TOMM34: variants seen among roughly 807,000 people sequenced by gnomAD.
TOMM34 encodes the protein mitochondrial import receptor subunit TOM34.
In TOMM34, 24 loss-of-function variants were observed where a neutral mutation model predicts 37.4. The ratio of observed to expected loss-of-function variants is 0.64; its 90% CI spans 0.46 to 0.90. The LOEUF is 0.90. Among genes scored for constraint, TOMM34 ranks in the 40% least tolerant of loss-of-function variants. The pLI, the probability that TOMM34 is intolerant of heterozygous loss-of-function variation, is 0.00. For synonymous variants in TOMM34, 154 were observed against 148.9 expected (o/e 1.03, Z -0.25); for missense variants, 304 against 375.6 (o/e 0.81, Z 1.58).
chr20:44,954,770 C>T (rs1046895178), intron 3 of TOMM34, among the ~76,000 whole-genome samples: 1 of 152,172 alleles, frequency 6.6e-6, no homozygotes, highest in Non-Finnish European at 1.5e-5. Context: ...ATTTTGGTAT[C>T]CCCCACTGAA....
chr20:44,958,075 CATATATAT>C (rs888819537), intron 1 of TOMM34, among the ~76,000 whole-genome samples: 2 of 149,158 alleles, frequency 1.3e-5, no homozygotes, highest in African/African-American at 5.0e-5. Context: ...TCTACATTTA[CATATATAT>C]GTATATATGT....
rs2066940981 is a variant in TOMM34, at chr20:44,942,157, T to C, written c.*952A>G. 1 of 152,222 alleles carries C rather than the reference T, an allele frequency of 6.6e-6. No homozygotes were observed. The highest frequency in any genetic ancestry group is 1.5e-5 in the Non-Finnish European group (1 of 68,050). The allele number at this position is 152,222 out of a possible 1,614,324, so 9.4% of individuals were successfully genotyped here. Reference sequence around the variant, plus strand: ...AATGCCCAATAAGCAATAACTTTTATTATTACTACAGAGTTCCAGGTGCAA... The same window carrying C: ...AATGCCCAATAAGCAATAACTTTTACTATTACTACAGAGTTCCAGGTGCAA... On this transcript the variant is annotated 3_prime_UTR_variant, in exon 7 of 7. Transcript: ENST00000372813.
At chr20:44,947,270 A>C (rs974232869) in intron 5 of TOMM34, among the ~76,000 whole-genome samples, 1 of 152,206 alleles carries the variant, frequency 6.6e-6, no homozygotes, top group Non-Finnish European at 1.5e-5. Context: ...CACAGGTGCA[A>C]AATTCCAAAA....
chr20:44,960,272 C>G lies in TOMM34; in HGVS notation c.62G>C (p.Arg21Pro). Residue 21 changes from arginine to proline, a missense_variant, in exon 1 of 7, where the codon CGC (arginine) becomes CCC (proline). By Grantham distance (103) the Arg-to-Pro change is moderately radical. Transcript: ENST00000372813. ...GGAGGCCTCGGCGTACTGGCCGTTG[C>G]GGAAACTCTCATTGCCGGCGGCGCG... ...ELRAAGNESF[R>P]NGQYAEASAL... The G allele has an allele frequency of 6.3e-7, 1 of 1,579,146 alleles. No homozygotes were observed. The highest frequency in any genetic ancestry group is 8.6e-7 in the Non-Finnish European group (1 of 1,163,428).
At chr20:44,955,008 C>A in intron 3 of TOMM34, 60 bp downstream of exon 3, 1 of 1,587,082 alleles carries the variant, frequency 6.3e-7, no homozygotes. Flanking sequence ...CAATGGCCCG[C>A]AGCCAATCAA....
intron 3 of TOMM34, chr20:44,952,804 A>G (rs1001197249): frequency 5.1e-5 from 33 of 648,920 alleles, no homozygotes; most frequent in Non-Finnish European, 8.3e-5. Flanking sequence ...CATGTTTCCT[A>G]TATTACAAGA....
Position 44,960,219 on chromosome 20 carries a change from G to C in TOMM34, c.115C>G (p.Leu39Val). ...GCCGGGGTCGTACCTTGCGCCTGCA[G>C]CACCCGCAGCGCGCGGCCGTAGAGC... ...SALYGRALRV[L>V]QAQGSSDPEE... The change falls in exon 1 of 7, where the codon CTG becomes GTG. Residue 39 changes from leucine to valine, a missense_variant. Leu to Val is a conservative substitution (Grantham distance 32). Transcript: ENST00000372813. The C allele has an allele frequency of 1.3e-6, 2 of 1,559,934 alleles. No homozygotes were observed. The highest frequency in any genetic ancestry group is 1.7e-6 in the Non-Finnish European group (2 of 1,153,208).
intron 2 of TOMM34, 35 bp downstream of exon 2, chr20:44,956,351 C>A: frequency 6.2e-7 from 1 of 1,604,796 alleles, no homozygotes; most frequent in South Asian, 1.1e-5. Flanking sequence ...CTTCTGAGAC[C>A]CTCAGGCATC....
At chr20:44,950,581 A>C (rs2067017758) in intron 4 of TOMM34, among the ~76,000 whole-genome samples, 1 of 152,228 alleles carries the variant, frequency 6.6e-6, no homozygotes, top group Non-Finnish European at 1.5e-5. Flanking sequence ...GCACTGATTT[A>C]AAGAATGAAA....
rs1209834454 is a variant in TOMM34 at position 44,960,229 on chromosome 20, C to T, written c.105G>A (p.Ala35=). 3 of 1,561,482 alleles carry T rather than the reference C, an allele frequency of 1.9e-6. No homozygotes were observed. The highest frequency in any genetic ancestry group is 2.8e-5 in the African/African-American group (2 of 72,710). The change falls in exon 1 of 7, where the codon GCG becomes GCA. Residue 35 remains alanine, a synonymous_variant. Coordinates refer to ENST00000372813, the MANE Select transcript of TOMM34 (RefSeq NM_006809.5). The part of the protein sequence containing the change: ...YAEASALYGR[A]LRVLQAQGSS... ...TACCTTGCGCCTGCAGCACCCGCAGCGCGCGGCCGTAGAGCGCGGAGGCCT... is the reference window on the plus strand; with the variant it reads ...TACCTTGCGCCTGCAGCACCCGCAGTGCGCGGCCGTAGAGCGCGGAGGCCT...
chr20:44,958,136 GTATATA>G (rs774220439), intron 1 of TOMM34, among the ~76,000 whole-genome samples: 1 of 123,580 alleles, frequency 8.1e-6, no homozygotes, highest in Non-Finnish European at 1.7e-5. Context: ...ATATGTATAT[GTATATA>G]TATGTGTGTG....
At chr20:44,947,162 A>G (rs764038800) in intron 5 of TOMM34, among the ~76,000 whole-genome samples, 2 of 152,248 alleles carry the variant, frequency 1.3e-5, no homozygotes, top group Non-Finnish European at 2.9e-5. Context: ...AGAAGATGCC[A>G]CACAAATATG....
At chr20:44,952,290 T>C (rs1050453004) in intron 3 of TOMM34, among the ~76,000 whole-genome samples, 5 of 152,264 alleles carry the variant, frequency 3.3e-5, no homozygotes, top group Admixed American at 6.5e-5. Flanking sequence ...AAAAAGACTA[T>C]AGTTTCTCCA....
intron 5 of TOMM34, among the ~76,000 whole-genome samples, chr20:44,947,169 T>A (rs773843133): frequency 6.6e-6 from 1 of 152,172 alleles, no homozygotes; most frequent in Non-Finnish European, 1.5e-5. Flanking sequence ...GCCACACAAA[T>A]ATGGAACAAA....
intron 1 of TOMM34, among the ~76,000 whole-genome samples, chr20:44,959,466 T>C (rs1259546680): frequency 6.6e-6 from 1 of 152,120 alleles, no homozygotes; most frequent in Non-Finnish European, 1.5e-5. Context: ...AAGCTTCCAG[T>C]TTGGCATGAA....
rs751536223 is a variant in TOMM34 at position 44,948,899 on chromosome 20, G to GA, written c.551-23dup. On this transcript the variant is annotated intron_variant, in intron 4 of 6. Coordinates refer to ENST00000372813, the MANE Select transcript of TOMM34 (RefSeq NM_006809.5). ...GGCACTAGATACAAATTCAGAAGAG[G>GA]AAAAAAACCATGGAGCAGCACCCAA... The GA allele has an allele frequency of 4.3e-6, 7 of 1,611,324 alleles. 1 individual carries two copies. Among genetic ancestry groups the GA allele is most frequent in the South Asian group, 3.3e-5 (3 of 90,922 alleles).
At position 44,942,999 on chromosome 20, in the gene TOMM34, C is replaced by T. The variant is rs572296403; in HGVS notation, c.*110G>A. 15 of 993,628 alleles carry T rather than the reference C, an allele frequency of 1.5e-5. No homozygotes were observed. In the East Asian group the frequency reaches 3.7e-4, roughly 24 times the overall value. The allele number at this position is 993,628 out of a possible 1,614,324, so 61.6% of individuals were successfully genotyped here. ...GGCCATCAAGGGATTGAGGAGGGGG[C>T]TTCAGAGCTCACTTGGGGCATGCTG... On this transcript the variant is annotated 3_prime_UTR_variant, in exon 7 of 7. Transcript: ENST00000372813.
Position 44,960,397 on chromosome 20 carries a change from T to C in TOMM34, c.-64A>G. On this transcript the variant is annotated 5_prime_UTR_variant, in exon 1 of 7. Coordinates refer to ENST00000372813, the MANE Select transcript of TOMM34 (RefSeq NM_006809.5). ...CTCCCCCGTGTGGTGCGGCACACCT[T>C]CCGGGCGCAAGCGCCGGCGGCGAAT... 5 of 1,434,964 alleles carry C rather than the reference T, an allele frequency of 3.5e-6. No individual in the cohort carries two copies. Among genetic ancestry groups the C allele is most frequent in the African/African-American group, 1.5e-5 (1 of 66,706 alleles). The allele number at this position is 1,434,964 out of a possible 1,614,324, so 88.9% of individuals were successfully genotyped here.
At chr20:44,956,730 C>T (rs996781527) in intron 1 of TOMM34, among the ~76,000 whole-genome samples, 3 of 152,150 alleles carry the variant, frequency 2.0e-5, no homozygotes, top group Admixed American at 2.0e-4. Context: ...CAGCACTGAA[C>T]TTGATAACAG....
Sources: gnomAD v4.1 joint callset for allele counts (sites outside exome capture counted in the v4.1 genomes callset) on GRCh38, gnomAD v4.1.1 for gene constraint, MANE v1.5 for transcripts, NCBI Gene and HGNC (gene_info 2026-07-23, HGNC 2026-07-21) for gene names.